Variants in CNTN4 observed in about 807,000 individuals in gnomAD.
The protein encoded by CNTN4 is contactin 4.
CNTN4 carries 77 observed loss-of-function variants against 122.5 expected under a neutral mutation model. The ratio of observed to expected loss-of-function variants is 0.63; its 90% CI spans 0.52 to 0.76. The LOEUF (loss-of-function observed/expected upper bound fraction) is 0.76. CNTN4 is among the 30% of genes least tolerant of loss of function. The pLI is 0.00. For synonymous variants in CNTN4, 512 were observed against 447.0 expected, an observed-to-expected ratio of 1.15 and a Z score of -1.83; for missense variants, 1,256 against 1,259.1, an observed-to-expected ratio of 1.00 and a Z score of 0.04.
intron 2 of CNTN4, among the ~76,000 whole-genome samples, chr3:2,179,127 G>A (rs2036893348): frequency 6.6e-6 from 1 of 152,030 alleles, no homozygotes; most frequent in Non-Finnish European, 1.5e-5. Context: ...CAGTTCACCA[G>A]TAACCATCTG....
chr3:2,405,341 C>T (rs554781911), intron 3 of CNTN4, among the ~76,000 whole-genome samples: 2 of 152,248 alleles, frequency 1.3e-5, no homozygotes, highest in South Asian at 4.2e-4. Flanking sequence ...ATCAGTTCTT[C>T]AAATGCTCTT....
At chr3:2,993,491 G>T (rs895806531) in intron 14 of CNTN4, among the ~76,000 whole-genome samples, 4 of 151,466 alleles carry the variant, frequency 2.6e-5, no homozygotes, top group Admixed American at 6.6e-5. Flanking sequence ...TAGAGACAGG[G>T]TTTCACCATG....
intron 4 of CNTN4, among the ~76,000 whole-genome samples, chr3:2,638,069 C>T (rs1471889987): frequency 4.6e-5 from 7 of 152,142 alleles, no homozygotes; most frequent in Non-Finnish European, 5.9e-5. Flanking sequence ...TATAAACTGC[C>T]AACCACAGTG....
chr3:2,883,297 T>C lies in CNTN4; in HGVS notation c.755+50T>C, dbSNP rs1163495325. ...TCATCCTCCCTTCAGCTTGAGCAGG[T>C]ATAGAGTTTTTCTTGCACTGTTCAC... On this transcript the variant is annotated intron_variant, in intron 9 of 24. Transcript: ENST00000418658. 3.6e-6 allele frequency: 5 copies of C among 1,392,398 alleles called. No homozygotes were observed. The South Asian group carries it at 6.0e-5, about 17-fold the overall frequency. 86.3% of individuals were successfully genotyped at this position (1,392,398 alleles called of 1,614,324 possible). A position where few individuals can be genotyped will look rare whatever the true frequency, so the allele number is the denominator to read the frequency against.
At chr3:2,133,442 G>T (rs899184287) in intron 2 of CNTN4, among the ~76,000 whole-genome samples, 1 of 152,188 alleles carries the variant, frequency 6.6e-6, no homozygotes, top group Non-Finnish European at 1.5e-5. Context: ...ATAAGATAAT[G>T]ATGGTATTTT....
intron 3 of CNTN4, among the ~76,000 whole-genome samples, chr3:2,445,447 C>G (rs1020111541): frequency 1.3e-5 from 2 of 152,116 alleles, no homozygotes; most frequent in South Asian, 2.1e-4. Flanking sequence ...CATGGAACAT[C>G]ATGCAAGTGT....
chr3:2,630,524 A>T (rs1304659140), intron 4 of CNTN4, among the ~76,000 whole-genome samples: 1 of 152,144 alleles, frequency 6.6e-6, no homozygotes, highest in East Asian at 1.9e-4. Flanking sequence ...TTTGCTGACT[A>T]TTGCTTTACG....
rs58160139 is a variant in CNTN4, at chr3:3,022,697, G to A, written c.1487-3405G>A. On this transcript the variant is annotated intron_variant, in intron 14 of 24. Coordinates refer to ENST00000418658, the MANE Select transcript of CNTN4 (RefSeq NM_175607.3). The stretch of plus-strand genomic sequence containing the variant: ...TTAGTTTGCCTTTTGTCATTTATAC[G>A]TTATAGAAAACACTGTAGAAAGTAA... Among the ~76,000 whole-genome samples, 523 of 152,142 alleles carry A rather than the reference G, an allele frequency of 3.4e-3. 3 individuals carry two copies. The highest frequency in any genetic ancestry group is 0.012 in the African/African-American group (498 of 41,494).
chr3:2,773,465 A>G (rs1464602796), intron 6 of CNTN4, among the ~76,000 whole-genome samples: 1 of 152,104 alleles, frequency 6.6e-6, no homozygotes, highest in Non-Finnish European at 1.5e-5. Flanking sequence ...CAACATTCTT[A>G]CGGGGTACTT....
intron 14 of CNTN4, among the ~76,000 whole-genome samples, chr3:3,015,643 A>G (rs924399218): frequency 1.3e-5 from 2 of 152,190 alleles, no homozygotes; most frequent in Non-Finnish European, 2.9e-5. Context: ...ACAGAAAAAG[A>G]GGGACACTCT....
chr3:2,243,008 C>G lies in CNTN4; in HGVS notation c.-144-96170C>G, dbSNP rs923621037. On this transcript the variant is annotated intron_variant, in intron 2 of 24. Transcript: ENST00000418658. ...AAATATTTCAGCTGACTTGCTTAGC[C>G]TGGTATGCAGAATCTGGTGCAAGCT... Among the ~76,000 whole-genome samples, 3 of 152,078 alleles carry G rather than the reference C, an allele frequency of 2.0e-5. No individual in the cohort carries two copies. The East Asian group carries it at 5.8e-4, about 29-fold the overall frequency.
intron 4 of CNTN4, among the ~76,000 whole-genome samples, chr3:2,593,655 GC>G (rs554708558): frequency 9.1e-4 from 139 of 152,320 alleles, no homozygotes; most frequent in African/African-American, 3.3e-3. Context: ...TACTGCCACA[GC>G]TTATACCTAA....
chr3:2,933,212 T>C (rs1348827969), intron 13 of CNTN4, among the ~76,000 whole-genome samples: 1 of 152,184 alleles, frequency 6.6e-6, no homozygotes, highest in Non-Finnish European at 1.5e-5. Flanking sequence ...AAGTCAGTTA[T>C]GCATTCGTCG....
At chr3:2,664,228 A>G (rs1370584849) in intron 4 of CNTN4, among the ~76,000 whole-genome samples, 1 of 152,192 alleles carries the variant, frequency 6.6e-6, no homozygotes, top group Non-Finnish European at 1.5e-5. Context: ...GAACCAGTGA[A>G]GTTTGGGGTA....
intron 2 of CNTN4, among the ~76,000 whole-genome samples, chr3:2,202,942 C>T (rs1327709704): frequency 1.3e-5 from 2 of 151,908 alleles, no homozygotes; most frequent in Non-Finnish European, 2.9e-5. Context: ...CTGGCTTAGC[C>T]TCCCAAGTAG....
At chr3:2,535,009 TAAAGGACCTTCTTTACATAA>T in intron 3 of CNTN4, among the ~76,000 whole-genome samples, 1 of 152,162 alleles carries the variant, frequency 6.6e-6, no homozygotes, top group Admixed American at 6.6e-5. Flanking sequence ...GCTTCAGCTC[TAAAGGACCTTCTTTACATAA>T]TAGCAAGAAT....
chr3:2,405,450 G>A (rs182349146), intron 3 of CNTN4, among the ~76,000 whole-genome samples: 2 of 152,134 alleles, frequency 1.3e-5, no homozygotes, highest in Admixed American at 6.6e-5. Flanking sequence ...AAGTAAGAGT[G>A]CATGTCAAAG....
At chr3:2,651,530 C>A (rs1358659126) in intron 4 of CNTN4, among the ~76,000 whole-genome samples, 1 of 151,986 alleles carries the variant, frequency 6.6e-6, no homozygotes, top group Non-Finnish European at 1.5e-5. Flanking sequence ...AAAAGTCTAG[C>A]TCTTCCTTTG....
chr3:2,826,038 A>G (rs1005854491), intron 7 of CNTN4, among the ~76,000 whole-genome samples: 5 of 152,150 alleles, frequency 3.3e-5, no homozygotes, highest in African/African-American at 7.2e-5. Flanking sequence ...ATCCCATAAG[A>G]AGTAAGGACA....
Sources: gnomAD v4.1 joint callset for allele counts (sites outside exome capture counted in the v4.1 genomes callset) on GRCh38, gnomAD v4.1.1 for gene constraint, MANE v1.5 for transcripts, NCBI Gene and HGNC (gene_info 2026-07-23, HGNC 2026-07-21) for gene names.